The following TMEM229B variants were observed in gnomAD, a reference collection of about 807,000 sequenced individuals.
TMEM229B encodes transmembrane protein 229B.
TMEM229B carries 6 observed loss-of-function variants against 13.7 expected under a neutral mutation model. The observed-to-expected ratio is 0.44, with a 90% CI of 0.24 to 0.86. The LOEUF (loss-of-function observed/expected upper bound fraction) is 0.86, where lower values mean the gene tolerates loss of function less well. Among genes scored for constraint, TMEM229B ranks in the 40% least tolerant of loss-of-function variants. The pLI is 0.23. For synonymous variants in TMEM229B, 107 were observed against 102.1 expected, an observed-to-expected ratio of 1.05 and a Z score of -0.29; for missense variants, 170 against 236.0, an observed-to-expected ratio of 0.72 and a Z score of 1.83.
chr14:67,514,018 G>A (rs1470667358), intron 1 of TMEM229B, among the ~76,000 whole-genome samples: 1 of 152,130 alleles, frequency 6.6e-6, no homozygotes, highest in African/African-American at 2.4e-5. Context: ...GAGAAACCCA[G>A]GCCTCTCAAT....
upstream of TMEM229B, among the ~76,000 whole-genome samples, chr14:67,518,431 T>C (rs1594720733): frequency 6.6e-6 from 1 of 152,338 alleles, no homozygotes; most frequent in East Asian, 1.9e-4. Context: ...GTGCTTAGCA[T>C]AGTGCCAGAC....
At position 67,480,509 on chromosome 14, in the gene TMEM229B, C is replaced by T. The variant is rs555622818; in HGVS notation, c.-19+6491G>A. ...TGAAAGGGGCACAGCCTCTCACCCC[C>T]TCATTTAACCTCCTACCCCCGGGCA... On this transcript the variant is annotated intron_variant, in intron 2 of 2. Coordinates refer to ENST00000554480, the MANE Select transcript of TMEM229B (RefSeq NM_001348543.2). 2.8e-4 allele frequency among the ~76,000 whole-genome samples: 43 copies of T among 152,282 alleles called. 1 individual carries two copies. In the South Asian group the frequency reaches 5.6e-3, roughly 20 times the overall value.
intron 2 of TMEM229B, among the ~76,000 whole-genome samples, chr14:67,478,342 C>T (rs887370930): frequency 6.6e-6 from 1 of 152,208 alleles, no homozygotes; most frequent in Non-Finnish European, 1.5e-5. Flanking sequence ...TAACTCCCAC[C>T]CTTACCACCT....
upstream of TMEM229B, among the ~76,000 whole-genome samples, chr14:67,516,135 G>A (rs762721724): frequency 5.3e-5 from 8 of 152,206 alleles, no homozygotes; most frequent in Non-Finnish European, 1.0e-4. Flanking sequence ...CAGGCCCCTT[G>A]GACTGGTCCT....
chr14:67,503,515 A>C (rs536703596), intron 1 of TMEM229B: 1 of 152,222 alleles, frequency 6.6e-6, no homozygotes, highest in African/African-American at 2.4e-5. Context: ...CCATCCCTGC[A>C]TGCCACCTTC....
At position 67,530,960 on chromosome 14, in the gene TMEM229B, T is replaced by G. The variant is rs2033434467; in HGVS notation, c.-192+2676A>C. On this transcript the variant is annotated intron_variant, in intron 1 of 2. Coordinates refer to the TMEM229B transcript ENST00000554278. ...CTAATACAATCATTGAAGGACTAAA[T>G]TGGCTCAGACCAGTTGACAAGTCCC... 2.6e-5 allele frequency among the ~76,000 whole-genome samples: 4 copies of G among 152,230 alleles called. No individual in the cohort carries two copies. In the South Asian group the frequency reaches 8.3e-4, roughly 32 times the overall value.
chr14:67,504,464 T>G (rs372960258), intron 1 of TMEM229B, among the ~76,000 whole-genome samples: 55 of 151,542 alleles, frequency 3.6e-4, no homozygotes, highest in African/African-American at 1.2e-3. Flanking sequence ...TTTAAGTCAG[T>G]TTTTTTTTCA....
chr14:67,491,687 A>G (rs927578176), upstream of TMEM229B, among the ~76,000 whole-genome samples: 3 of 152,194 alleles, frequency 2.0e-5, no homozygotes, highest in African/African-American at 7.2e-5. Context: ...TGGTTACTCA[A>G]AGCCCCCAGT....
At chr14:67,490,208 C>T (rs2032111277), upstream of TMEM229B, among the ~76,000 whole-genome samples, 1 of 152,156 alleles carries the variant, frequency 6.6e-6, no homozygotes, top group African/African-American at 2.4e-5. Context: ...ACAGATGAGC[C>T]ATACATGTTG....
intron 1 of TMEM229B, among the ~76,000 whole-genome samples, chr14:67,495,414 A>G (rs1399564727): frequency 6.6e-6 from 1 of 152,014 alleles, no homozygotes; most frequent in Admixed American, 6.6e-5. Context: ...TCCTGGAGAT[A>G]TTTTGACACC....
intron 1 of TMEM229B, among the ~76,000 whole-genome samples, chr14:67,511,249 C>T (rs1037201707): frequency 1.3e-5 from 2 of 152,132 alleles, no homozygotes; most frequent in Non-Finnish European, 2.9e-5. Context: ...GAATGAGGGG[C>T]TTTTGGAAAG....
intron 1 of TMEM229B, among the ~76,000 whole-genome samples, chr14:67,508,660 C>A (rs1222577031): frequency 6.7e-6 from 1 of 148,388 alleles, no homozygotes; most frequent in Non-Finnish European, 1.5e-5. Flanking sequence ...GCTAGAGGAT[C>A]CCTTGAGCCC....
chr14:67,520,136 C>A (rs2140268431), upstream of TMEM229B, among the ~76,000 whole-genome samples: 1 of 152,274 alleles, frequency 6.6e-6, no homozygotes, highest in Middle Eastern at 3.4e-3. Context: ...TATCAGAATC[C>A]CCCACCAGAG....
chr14:67,516,301 A>C (rs140417034), upstream of TMEM229B, among the ~76,000 whole-genome samples: 2 of 152,162 alleles, frequency 1.3e-5, no homozygotes, highest in African/African-American at 2.4e-5. Context: ...TCACTAACCC[A>C]TCCGGAGAGG....
At chr14:67,513,400 A>C (rs1594717156) in intron 1 of TMEM229B, among the ~76,000 whole-genome samples, 1 of 152,186 alleles carries the variant, frequency 6.6e-6, no homozygotes. Context: ...CAGGGCCACA[A>C]ATCTATAGCT....
At chr14:67,519,321 T>C (rs1490684871), upstream of TMEM229B, among the ~76,000 whole-genome samples, 1 of 152,222 alleles carries the variant, frequency 6.6e-6, no homozygotes, top group African/African-American at 2.4e-5. Flanking sequence ...AAGGGAATGC[T>C]GGCAAAACAA....
chr14:67,483,103 C>T (rs1204498256), intron 2 of TMEM229B, among the ~76,000 whole-genome samples: 1 of 152,004 alleles, frequency 6.6e-6, no homozygotes, highest in Non-Finnish European at 1.5e-5. Context: ...CTCTGTCGCC[C>T]GGGTTCAAGC....
intron 1 of TMEM229B, among the ~76,000 whole-genome samples, chr14:67,494,782 A>C (rs916886354): frequency 6.6e-6 from 1 of 152,150 alleles, no homozygotes. Context: ...CCAACATTTG[A>C]CAAGAACCAA....
At chr14:67,492,304 G>C (rs1252172690), upstream of TMEM229B, among the ~76,000 whole-genome samples, 2 of 152,184 alleles carry the variant, frequency 1.3e-5, no homozygotes, top group African/African-American at 4.8e-5. Context: ...CGCCGTCCCA[G>C]AGTGAGGCAT....
Sources: gnomAD v4.1 joint callset for allele counts (sites outside exome capture counted in the v4.1 genomes callset) on GRCh38, gnomAD v4.1.1 for gene constraint, MANE v1.5 for transcripts, NCBI Gene and HGNC (gene_info 2026-07-23, HGNC 2026-07-21) for gene names.